SLMAP: variants seen among roughly 807,000 people sequenced by gnomAD.
The protein encoded by SLMAP is sarcolemmal membrane-associated protein.
Under a neutral mutation model 128.8 loss-of-function variants are expected in SLMAP, and 44 were observed. The observed-to-expected ratio is 0.34, with a 90% CI of 0.27 to 0.44. The LOEUF (loss-of-function observed/expected upper bound fraction) is 0.44, where lower values mean the gene tolerates loss of function less well. SLMAP is among the 20% of genes least tolerant of loss of function. The probability of loss-of-function intolerance (pLI) is 1.00; values close to 1 mark genes in which losing one functional copy is unlikely to be tolerated. For missense variants in SLMAP, 787 were observed against 985.3 expected, an observed-to-expected ratio of 0.80 and a Z score of 2.69; for synonymous variants, 327 against 348.8, an observed-to-expected ratio of 0.94 and a Z score of 0.70.
At chr3:57,870,208 AT>A (rs2095447817) in intron 13 of SLMAP, among the ~76,000 whole-genome samples, 1 of 152,116 alleles carries the variant, frequency 6.6e-6, no homozygotes, top group Non-Finnish European at 1.5e-5. Flanking sequence ...ATATAACATG[AT>A]GATGTAGTTT....
intron 13 of SLMAP, among the ~76,000 whole-genome samples, 180 bp from the exon 14 acceptor site, chr3:57,871,456 T>A (rs1443878015): frequency 6.6e-6 from 1 of 152,204 alleles, no homozygotes; most frequent in East Asian, 1.9e-4. Flanking sequence ...AGTGTACAAA[T>A]TAATAATAAT....
At chr3:57,763,501 C>A (rs572862515) in intron 2 of SLMAP, among the ~76,000 whole-genome samples, 1 of 152,150 alleles carries the variant, frequency 6.6e-6, no homozygotes, top group South Asian at 2.1e-4. Context: ...TCTCGAACTC[C>A]TGAGCTTAGG....
intron 10 of SLMAP, among the ~76,000 whole-genome samples, chr3:57,863,853 C>T (rs1056433334): frequency 6.6e-5 from 10 of 152,042 alleles, no homozygotes; most frequent in African/African-American, 1.9e-4. Context: ...ACTGTCATCT[C>T]GTTACTAAAT....
intron 14 of SLMAP, among the ~76,000 whole-genome samples, chr3:57,881,689 C>T (rs2095748751): frequency 1.3e-5 from 2 of 152,066 alleles, no homozygotes; most frequent in African/African-American, 2.4e-5. Context: ...ATCTTGACCT[C>T]GTGATGCGCC....
intron 2 of SLMAP, among the ~76,000 whole-genome samples, chr3:57,821,880 C>T (rs963513780): frequency 6.6e-6 from 1 of 151,764 alleles, no homozygotes; most frequent in Non-Finnish European, 1.5e-5. Context: ...CTCTGGGGGC[C>T]TTAGCTATAT....
chr3:57,909,300 G>A (rs924065801), intron 19 of SLMAP, 150 bp downstream of exon 19: 3 of 579,954 alleles, frequency 5.2e-6, no homozygotes, highest in East Asian at 2.9e-5. Flanking sequence ...TCAGGAATTC[G>A]AGAGCAGTGT....
intron 2 of SLMAP, among the ~76,000 whole-genome samples, chr3:57,760,950 C>T (rs538480375): frequency 2.5e-4 from 38 of 152,040 alleles, no homozygotes; most frequent in African/African-American, 9.2e-4. Flanking sequence ...TGGTCTTGAA[C>T]TCCCAACCTC....
At chr3:57,869,651 T>TATATATATATATATATATATATATA (rs2095430794) in intron 13 of SLMAP, among the ~76,000 whole-genome samples, 1 of 135,714 alleles carries the variant, frequency 7.4e-6, no homozygotes, top group Admixed American at 7.6e-5. Flanking sequence ...TATATATATA[T>TATATATATATATATATATATATATA]ATATATATAA....
intron 2 of SLMAP, among the ~76,000 whole-genome samples, chr3:57,797,004 C>T (rs943086716): frequency 6.6e-6 from 1 of 150,572 alleles, no homozygotes; most frequent in Non-Finnish European, 1.5e-5. Flanking sequence ...TGTAGTAGGA[C>T]CCCCGTCTCT....
intron 6 of SLMAP, among the ~76,000 whole-genome samples, chr3:57,851,596 C>G (rs1253281531): frequency 6.6e-6 from 1 of 151,758 alleles, no homozygotes; most frequent in Non-Finnish European, 1.5e-5. Flanking sequence ...CCCCAGTCTC[C>G]CGAGTAGCTG....
intron 2 of SLMAP, among the ~76,000 whole-genome samples, chr3:57,807,243 T>A (rs1420416275): frequency 6.6e-6 from 1 of 152,218 alleles, no homozygotes; most frequent in Non-Finnish European, 1.5e-5. Context: ...TTTAAGTTCC[T>A]TATAGATTCT....
At chr3:57,912,318 A>C in intron 19 of SLMAP, 63 bp from the exon 20 acceptor site, 1 of 1,431,024 alleles carries the variant, frequency 7.0e-7, no homozygotes, top group Non-Finnish European at 9.7e-7. Context: ...CATTAGCTAC[A>C]ATCCTGTATG....
At chr3:57,861,134 T>C (rs2095039828) in intron 9 of SLMAP, among the ~76,000 whole-genome samples, 1 of 152,198 alleles carries the variant, frequency 6.6e-6, no homozygotes, top group African/African-American at 2.4e-5. Context: ...TGCTGGGGAA[T>C]TGATTTCCTG....
chr3:57,911,407 T>A (rs1307434555), intron 19 of SLMAP, among the ~76,000 whole-genome samples: 8 of 152,244 alleles, frequency 5.3e-5, no homozygotes, highest in Non-Finnish European at 1.2e-4. Flanking sequence ...ACTTTTTAAA[T>A]CTACAATTTC....
rs534544539 is a variant in SLMAP, at chr3:57,808,214, G to T, written c.199-23169G>T. 1.8e-4 allele frequency among the ~76,000 whole-genome samples: 28 copies of T among 152,112 alleles called. No homozygotes were observed. In the South Asian group the frequency reaches 5.8e-3, roughly 32 times the overall value. ...AATTTTTTCAAAAAATTAGCCCCTA[G>T]ATTCATAGTTTTTTTTGTAGGGTTT... On this transcript the variant is annotated intron_variant, in intron 2 of 24. Transcript: ENST00000671191.
At chr3:57,825,761 G>A (rs79187847) in intron 2 of SLMAP, among the ~76,000 whole-genome samples, 4,677 of 152,176 alleles carry the variant, frequency 0.031, 105 homozygotes, top group Non-Finnish European at 0.045. Context: ...CTGGAACTAG[G>A]TACCAGGGTG....
chr3:57,844,355 C>T (rs1357603781), intron 4 of SLMAP, among the ~76,000 whole-genome samples: 1 of 151,666 alleles, frequency 6.6e-6, no homozygotes, highest in Non-Finnish European at 1.5e-5. Context: ...AATCAGACCA[C>T]TTCACTTCAG....
chr3:57,770,955 C>T (rs2080721054), intron 2 of SLMAP, among the ~76,000 whole-genome samples: 1 of 152,076 alleles, frequency 6.6e-6, no homozygotes, highest in Non-Finnish European at 1.5e-5. Flanking sequence ...TTGAACATTC[C>T]TAATTCAAAA....
At chr3:57,907,333 T>C (rs2096594986) in intron 17 of SLMAP, among the ~76,000 whole-genome samples, 1 of 152,192 alleles carries the variant, frequency 6.6e-6, no homozygotes, top group Admixed American at 6.5e-5. Context: ...AGCTCAGATA[T>C]TTGTTATATG....
Sources: gnomAD v4.1 joint callset for allele counts (sites outside exome capture counted in the v4.1 genomes callset) on GRCh38, gnomAD v4.1.1 for gene constraint, MANE v1.5 for transcripts, NCBI Gene and HGNC (gene_info 2026-07-23, HGNC 2026-07-21) for gene names.